The following CLINT1 variants were observed in gnomAD, a reference collection of about 807,000 sequenced individuals.
The protein encoded by CLINT1 is clathrin interacting protein localized in the trans-Golgi region.
A neutral mutation model predicts 70.4 loss-of-function variants in CLINT1; 15 were observed. That is an observed-to-expected ratio of 0.21 (90% confidence interval 0.14 to 0.33). The LOEUF is 0.33. Among genes scored for constraint, CLINT1 ranks in the 10% least tolerant of loss-of-function variants. CLINT1 has a pLI of 1.00. For missense variants in CLINT1, 615 were observed against 778.1 expected (o/e 0.79, Z 2.49); for synonymous variants, 227 against 254.7 (o/e 0.89, Z 1.04).
At position 157,787,929 on chromosome 5, in the gene CLINT1, G is replaced by A. The variant is rs771660119; in HGVS notation, c.1595C>T (p.Ser532Leu). The part of the protein sequence containing the change: ...SFGAVNLSSP[S>L]NMLPVRPQTN... Reference sequence around the variant, plus strand: ...TTGGGGCCGGACAGGAAGCATGTTCGATGGAGAACTGAGGTTCACAGCTCC... The same window carrying A: ...TTGGGGCCGGACAGGAAGCATGTTCAATGGAGAACTGAGGTTCACAGCTCC... The change falls in exon 12 of 12, where the codon TCG becomes TTG. Residue 532 changes from serine to leucine, a missense_variant. Ser to Leu is a moderately radical substitution (Grantham distance 145, BLOSUM62 -2). This residue lies in a region of CLINT1 where 374 missense variants were observed against 409.6 expected (regional missense o/e 0.91). Transcript: ENST00000411809. 29 of 1,612,846 alleles carry A rather than the reference G, an allele frequency of 1.8e-5. No individual in the cohort carries two copies. Among genetic ancestry groups the A allele is most frequent in the Admixed American group, 1.0e-4 (6 of 59,790 alleles).
At chr5:157,850,283 C>T (rs994775075) in intron 1 of CLINT1, among the ~76,000 whole-genome samples, 1 of 152,128 alleles carries the variant, frequency 6.6e-6, no homozygotes, top group Non-Finnish European at 1.5e-5. Context: ...TCCTTCAAAG[C>T]CCCATTCAGT....
chr5:157,858,442 G>A (rs962264182), intron 1 of CLINT1, among the ~76,000 whole-genome samples: 3 of 152,164 alleles, frequency 2.0e-5, no homozygotes, highest in Non-Finnish European at 4.4e-5. Flanking sequence ...GAATTAAGAG[G>A]AGGCAAGGAA....
chr5:157,789,274 A>T, intron 11 of CLINT1, 89 bp downstream of exon 11: 1 of 1,108,846 alleles, frequency 9.0e-7, no homozygotes, highest in Non-Finnish European at 1.4e-6. Flanking sequence ...TTTATGTGAT[A>T]TATTTTTATT....
intron 8 of CLINT1, 110 bp downstream of exon 8, chr5:157,803,539 TA>T: frequency 4.4e-6 from 3 of 682,900 alleles, no homozygotes; most frequent in Non-Finnish European, 6.6e-6. Context: ...TAATTTCATA[TA>T]AAAAATGAAC....
chr5:157,794,801 A>G, intron 9 of CLINT1, 97 bp downstream of exon 9: 1 of 868,626 alleles, frequency 1.2e-6, no homozygotes, highest in South Asian at 1.5e-5. Context: ...CTACAAGGAG[A>G]AAAATGACAG....
Position 157,787,278 on chromosome 5 carries a change from TC to T in CLINT1, c.*367del. On this transcript the variant is annotated 3_prime_UTR_variant, in exon 12 of 12. Transcript: ENST00000411809. ...CGATCCAGGGACAGAAAAATCAAGT[TC>T]CTCAGGAAAAGAAAGTATAAAATTA... is the stretch of plus-strand genomic sequence containing the variant. The T allele has an allele frequency of 5.5e-6, 1 of 182,456 alleles. No individual in the cohort carries two copies. 11.3% of individuals were successfully genotyped at this position (182,456 alleles called of 1,614,324 possible).
chr5:157,804,332 G>A (rs546726932), intron 7 of CLINT1, among the ~76,000 whole-genome samples: 2 of 152,220 alleles, frequency 1.3e-5, no homozygotes, highest in South Asian at 2.1e-4. Flanking sequence ...CAACTAAACT[G>A]AGGCCTATAC....
chr5:157,798,733 T>C (rs1033283048), intron 8 of CLINT1, among the ~76,000 whole-genome samples: 8 of 152,050 alleles, frequency 5.3e-5, no homozygotes, highest in Admixed American at 3.9e-4. Flanking sequence ...CAATCATCAA[T>C]GCAAAATAAA....
intron 8 of CLINT1, among the ~76,000 whole-genome samples, chr5:157,799,488 T>G (rs1762153319): frequency 6.6e-6 from 1 of 152,120 alleles, no homozygotes; most frequent in African/African-American, 2.4e-5. Flanking sequence ...TTAAGTTCTA[T>G]CTGTATTGAT....
intron 3 of CLINT1, among the ~76,000 whole-genome samples, chr5:157,815,226 G>T (rs1198965613): frequency 6.6e-6 from 1 of 151,894 alleles, no homozygotes; most frequent in Non-Finnish European, 1.5e-5. Context: ...CTTGAGCCCA[G>T]GAGGTCAAGA....
chr5:157,856,012 A>G (rs1016103297), intron 1 of CLINT1, among the ~76,000 whole-genome samples: 1 of 152,014 alleles, frequency 6.6e-6, no homozygotes, highest in Non-Finnish European at 1.5e-5. Flanking sequence ...CAGGAAACAC[A>G]TTTTTCAGAG....
At chr5:157,789,149 A>C (rs1031863862) in intron 11 of CLINT1, among the ~76,000 whole-genome samples, 3 of 152,198 alleles carry the variant, frequency 2.0e-5, no homozygotes, top group African/African-American at 7.2e-5. Context: ...ACAATACAAT[A>C]AATGTTATCA....
intron 6 of CLINT1, 148 bp from the exon 7 acceptor site, chr5:157,806,260 A>G: frequency 1.3e-6 from 1 of 751,816 alleles, no homozygotes; most frequent in Non-Finnish European, 2.1e-6. Flanking sequence ...AATGTTATCT[A>G]AGCTGTCTGA....
chr5:157,826,104 A>G (rs930995759), intron 1 of CLINT1, among the ~76,000 whole-genome samples: 2 of 152,108 alleles, frequency 1.3e-5, no homozygotes, highest in Admixed American at 6.5e-5. Context: ...ACACCAAACA[A>G]TACTCTGCAA....
chr5:157,794,812 A>C (rs1204700452), intron 9 of CLINT1, 86 bp downstream of exon 9: 7 of 956,488 alleles, frequency 7.3e-6, no homozygotes, highest in Non-Finnish European at 9.7e-6. Context: ...AAAATGACAG[A>C]AAGAAGCTGA....
intron 1 of CLINT1, among the ~76,000 whole-genome samples, chr5:157,820,898 G>C (rs959211555): frequency 6.6e-6 from 1 of 152,136 alleles, no homozygotes; most frequent in African/African-American, 2.4e-5. Flanking sequence ...CAAAGGTCTA[G>C]AATTTGATCT....
At chr5:157,814,949 C>T (rs1762671817) in intron 3 of CLINT1, among the ~76,000 whole-genome samples, 2 of 151,396 alleles carry the variant, frequency 1.3e-5, no homozygotes, top group Non-Finnish European at 2.9e-5. Context: ...ACAAGAATCA[C>T]TCGAACCCAG....
At chr5:157,793,299 A>G (rs1581475115) in intron 9 of CLINT1, among the ~76,000 whole-genome samples, 1 of 152,066 alleles carries the variant, frequency 6.6e-6, no homozygotes, top group South Asian at 2.1e-4. Context: ...TGCTGGATCA[A>G]TGTAAACTTT....
At chr5:157,836,898 C>T (rs969541497) in intron 1 of CLINT1, among the ~76,000 whole-genome samples, 3 of 152,118 alleles carry the variant, frequency 2.0e-5, no homozygotes, top group Admixed American at 1.3e-4. Context: ...ATTTTGTTTA[C>T]TTGCTCTTTT....
Sources: allele counts gnomAD v4.1 joint callset (sites outside exome capture counted in the v4.1 genomes callset), GRCh38; gene constraint gnomAD v4.1.1; regional missense constraint gnomAD v4.1.1; transcripts MANE v1.5; gene names NCBI Gene and HGNC (gene_info 2026-07-23, HGNC 2026-07-21).